STAG1: variants seen among roughly 807,000 people sequenced by gnomAD.
STAG1 encodes STAG1 cohesin complex component, also known as cohesin subunit SA-1.
STAG1 carries 26 observed loss-of-function variants against 170.9 expected under a neutral mutation model. The ratio of observed to expected loss-of-function variants is 0.15; its 90% confidence interval spans 0.11 to 0.21. STAG1 has a LOEUF of 0.21. STAG1 is among the 10% of genes least tolerant of loss of function. STAG1 has a pLI of 1.00. For missense variants in STAG1, 964 were observed against 1,509.5 expected, an observed-to-expected ratio of 0.64 and a Z score of 5.99; for synonymous variants, 514 against 497.7, an observed-to-expected ratio of 1.03 and a Z score of -0.44.
intron 30 of STAG1, among the ~76,000 whole-genome samples, chr3:136,342,209 TG>T (rs768681970): frequency 1.5e-4 from 23 of 151,620 alleles, no homozygotes; most frequent in Non-Finnish European, 2.5e-4. Context: ...TTAGTAGACA[TG>T]GGGTTTCACC....
intron 3 of STAG1, among the ~76,000 whole-genome samples, chr3:136,615,091 A>T (rs1009039151): frequency 6.6e-6 from 1 of 152,176 alleles, no homozygotes; most frequent in Admixed American, 6.6e-5. Context: ...TCACAAAAAA[A>T]TTATGCTGCA....
At chr3:136,466,103 C>T (rs1016552601) in intron 12 of STAG1, among the ~76,000 whole-genome samples, 1 of 152,160 alleles carries the variant, frequency 6.6e-6, no homozygotes, top group African/African-American at 2.4e-5. Flanking sequence ...CGCCTCTCCC[C>T]CTCCAAAGAA....
At chr3:136,366,476 A>G (rs1576394092) in intron 25 of STAG1, among the ~76,000 whole-genome samples, 1 of 152,170 alleles carries the variant, frequency 6.6e-6, no homozygotes, top group East Asian at 1.9e-4. Context: ...GTTCAGCATA[A>G]TATGATAAAT....
intron 9 of STAG1, among the ~76,000 whole-genome samples, chr3:136,478,603 T>C (rs1212228079): frequency 1.3e-5 from 2 of 152,240 alleles, no homozygotes; most frequent in Non-Finnish European, 2.9e-5. Context: ...TTAGCTAAAA[T>C]TTTAATGATA....
At chr3:136,662,622 C>G (rs1941617328) in intron 1 of STAG1, among the ~76,000 whole-genome samples, 1 of 151,992 alleles carries the variant, frequency 6.6e-6, no homozygotes, top group Admixed American at 6.6e-5. Context: ...ATTTTTGATT[C>G]TTTGTAGAGA....
At chr3:136,542,751 T>C (rs961946842) in intron 5 of STAG1, among the ~76,000 whole-genome samples, 11 of 151,952 alleles carry the variant, frequency 7.2e-5, no homozygotes, top group Non-Finnish European at 1.3e-4. Flanking sequence ...TTAATGACGA[T>C]GGTGGTGGCA....
At chr3:136,737,123 T>C in intron 1 of STAG1, 3 of 835,112 alleles carry the variant, frequency 3.6e-6, no homozygotes, top group Non-Finnish European at 6.3e-6. Flanking sequence ...TCTGATTTTT[T>C]CACGTTAGAA....
intron 22 of STAG1, among the ~76,000 whole-genome samples, chr3:136,391,006 C>T (rs2086993771): frequency 6.6e-6 from 1 of 152,170 alleles, no homozygotes; most frequent in African/African-American, 2.4e-5. Context: ...GCTCTTTTCT[C>T]CAGTCTGTTT....
intron 6 of STAG1, among the ~76,000 whole-genome samples, chr3:136,527,178 T>C (rs1559860289): frequency 6.6e-6 from 1 of 152,254 alleles, no homozygotes; most frequent in Non-Finnish European, 1.5e-5. Flanking sequence ...GATAATATCC[T>C]GCAGAGTGTT....
intron 1 of STAG1, among the ~76,000 whole-genome samples, chr3:136,714,948 TA>T (rs1362457935): frequency 9.3e-5 from 7 of 75,232 alleles, no homozygotes; most frequent in East Asian, 8.9e-4. Context: ...AATATATATA[TA>T]TATATATATA....
intron 1 of STAG1, among the ~76,000 whole-genome samples, chr3:136,639,311 G>A (rs1940705659): frequency 6.6e-6 from 1 of 152,024 alleles, no homozygotes. Context: ...TTCCAGCCTG[G>A]ATGACAGAGC....
chr3:136,629,232 G>C (rs1940227613), intron 2 of STAG1, among the ~76,000 whole-genome samples: 1 of 152,130 alleles, frequency 6.6e-6, no homozygotes, highest in South Asian at 2.1e-4. Flanking sequence ...ACCCAACAGT[G>C]TCCTAGCAGC....
intron 23 of STAG1, among the ~76,000 whole-genome samples, chr3:136,376,662 A>T (rs1215883029): frequency 6.6e-6 from 1 of 152,148 alleles, no homozygotes; most frequent in African/African-American, 2.4e-5. Context: ...GAGTTTCAAG[A>T]TGTGGGGCTA....
chr3:136,593,373 G>A (rs1385432023), intron 4 of STAG1, among the ~76,000 whole-genome samples: 2 of 152,132 alleles, frequency 1.3e-5, no homozygotes, highest in African/African-American at 4.8e-5. Flanking sequence ...GCCCACCAGC[G>A]TCAGGCAACA....
intron 1 of STAG1, among the ~76,000 whole-genome samples, chr3:136,750,346 A>C (rs1425423201): frequency 6.6e-6 from 1 of 152,144 alleles, no homozygotes; most frequent in East Asian, 1.9e-4. Flanking sequence ...AGTAAGGCTC[A>C]AAGGTAACAC....
At chr3:136,702,302 C>T (rs1943107139) in intron 1 of STAG1, among the ~76,000 whole-genome samples, 1 of 152,008 alleles carries the variant, frequency 6.6e-6, no homozygotes, top group African/African-American at 2.4e-5. Context: ...AAATTATTTC[C>T]AATAAATATT....
At chr3:136,352,079 T>A (rs1322994590) in intron 28 of STAG1, among the ~76,000 whole-genome samples, 1 of 152,228 alleles carries the variant, frequency 6.6e-6, no homozygotes, top group African/African-American at 2.4e-5. Flanking sequence ...GAAAATAATA[T>A]CAACCTCTAG....
intron 2 of STAG1, among the ~76,000 whole-genome samples, chr3:136,624,212 C>T (rs1334698990): frequency 2.6e-5 from 4 of 152,016 alleles, no homozygotes; most frequent in South Asian, 4.1e-4. Flanking sequence ...CATTCTCCTG[C>T]CTCAGCCTCC....
intron 7 of STAG1, among the ~76,000 whole-genome samples, chr3:136,509,855 T>C (rs1207032062): frequency 6.6e-6 from 1 of 152,200 alleles, no homozygotes; most frequent in East Asian, 1.9e-4. Context: ...GTGATACCTA[T>C]TATACCTTTG....
Sources: allele counts gnomAD v4.1 joint callset (sites outside exome capture counted in the v4.1 genomes callset), GRCh38; gene constraint gnomAD v4.1.1; transcripts MANE v1.5; gene names NCBI Gene and HGNC (gene_info 2026-07-23, HGNC 2026-07-21).